Variants in MYRFL observed in about 807,000 individuals in gnomAD.
The protein encoded by MYRFL is myelin regulatory factor-like protein.
A neutral mutation model predicts 109.4 loss-of-function variants in MYRFL; 88 were observed. The observed-to-expected ratio is 0.80, with a 90% confidence interval of 0.68 to 0.96. MYRFL has a LOEUF of 0.96. Among genes scored for constraint, MYRFL ranks in the 40% least tolerant of loss-of-function variants. MYRFL has a pLI of 0.00. For missense variants in MYRFL, 957 were observed against 954.9 expected, an observed-to-expected ratio of 1.00 and a Z score of -0.03; for synonymous variants, 324 against 320.9, an observed-to-expected ratio of 1.01 and a Z score of -0.10.
intron 10 of MYRFL, 60 bp from the exon 11 acceptor site, chr12:69,903,584 T>C (rs2136345509): frequency 6.7e-7 from 1 of 1,484,862 alleles, no homozygotes; most frequent in East Asian, 2.5e-5. Context: ...TGAACACTAA[T>C]GTGATCATCT....
intron 2 of MYRFL, among the ~76,000 whole-genome samples, chr12:69,869,128 G>A (rs986327217): frequency 3.9e-5 from 6 of 152,230 alleles, no homozygotes; most frequent in African/African-American, 1.4e-4. Context: ...TTTTATAGTT[G>A]GAGGATGGGG....
intron 2 of MYRFL, among the ~76,000 whole-genome samples, chr12:69,878,381 T>A (rs1205629352): frequency 1.3e-5 from 2 of 152,190 alleles, no homozygotes; most frequent in Non-Finnish European, 2.9e-5. Flanking sequence ...TGCGCCCAGA[T>A]GGAAAATCAT....
chr12:69,863,282 G>A (rs1044599210), intron 2 of MYRFL, among the ~76,000 whole-genome samples: 28 of 152,258 alleles, frequency 1.8e-4, no homozygotes, highest in South Asian at 6.2e-4. Flanking sequence ...GTTAGGGAGG[G>A]TTCCCTCTTT....
At chr12:69,862,667 T>C (rs1227185677) in intron 2 of MYRFL, among the ~76,000 whole-genome samples, 24 of 152,044 alleles carry the variant, frequency 1.6e-4, no homozygotes, top group African/African-American at 5.1e-4. Flanking sequence ...AATGGGGTTT[T>C]CTAGATATAC....
chr12:69,909,744 C>T (rs1199763607), intron 11 of MYRFL, among the ~76,000 whole-genome samples: 1 of 152,100 alleles, frequency 6.6e-6, no homozygotes, highest in Non-Finnish European at 1.5e-5. Context: ...GTAGAGGATG[C>T]CCTGCTGGCC....
At chr12:69,898,045 G>C (rs1180256374) in intron 10 of MYRFL, among the ~76,000 whole-genome samples, 1 of 152,192 alleles carries the variant, frequency 6.6e-6, no homozygotes, top group Non-Finnish European at 1.5e-5. Flanking sequence ...CCCTGGGAGG[G>C]GCTGTGTTGT....
intron 16 of MYRFL, among the ~76,000 whole-genome samples, chr12:69,935,599 C>T (rs999976392): frequency 7.2e-5 from 11 of 152,182 alleles, no homozygotes; most frequent in Non-Finnish European, 1.6e-4. Flanking sequence ...ACCTGTTCAG[C>T]GTATTGTGCT....
chr12:69,958,431 T>G lies in MYRFL; in HGVS notation c.2647-14T>G. The G allele has an allele frequency of 6.6e-7, 1 of 1,510,082 alleles. No homozygotes were observed. The highest frequency in any genetic ancestry group is 8.8e-7 in the Non-Finnish European group (1 of 1,133,064). 93.5% of individuals were successfully genotyped at this position (1,510,082 alleles called of 1,614,324 possible). ...ACATTAATCTTCCTTTTTTTTTTTC[T>G]CCTTTTCTGACAGGATTTAGCTGAC... On this transcript the variant is annotated splice_polypyrimidine_tract_variant and intron_variant, in intron 24 of 24. Coordinates refer to ENST00000552032, the MANE Select transcript of MYRFL (RefSeq NM_182530.3).
chr12:69,920,147 C>A (rs1954863244), intron 13 of MYRFL, among the ~76,000 whole-genome samples: 1 of 152,122 alleles, frequency 6.6e-6, no homozygotes, highest in Non-Finnish European at 1.5e-5. Flanking sequence ...CATCTGTTTC[C>A]TGAGCCAATC....
At chr12:69,858,999 G>T (rs1307360545) in intron 2 of MYRFL, among the ~76,000 whole-genome samples, 1 of 151,792 alleles carries the variant, frequency 6.6e-6, no homozygotes, top group Admixed American at 6.6e-5. Flanking sequence ...CCCTCTGTAT[G>T]TGGCTTTAGC....
chr12:69,865,887 A>C (rs1884990087), intron 2 of MYRFL, among the ~76,000 whole-genome samples: 1 of 152,164 alleles, frequency 6.6e-6, no homozygotes, highest in Admixed American at 6.5e-5. Context: ...CTGAGCATTT[A>C]CTAAGTGTTG....
intron 5 of MYRFL, among the ~76,000 whole-genome samples, chr12:69,886,242 GC>G (rs1173091840): frequency 6.6e-6 from 1 of 152,282 alleles, no homozygotes; most frequent in East Asian, 1.9e-4. Context: ...GAGGACTGGT[GC>G]CCTTCATTTT....
chr12:69,828,531 A>G (rs1488361281), intron 1 of MYRFL, among the ~76,000 whole-genome samples: 1 of 152,078 alleles, frequency 6.6e-6, no homozygotes, highest in Admixed American at 6.6e-5. Flanking sequence ...TATATGCTTT[A>G]ACGTTTGCAA....
chr12:69,854,067 G>A (rs545780032), intron 1 of MYRFL, among the ~76,000 whole-genome samples: 1 of 152,348 alleles, frequency 6.6e-6, no homozygotes, highest in Non-Finnish European at 1.5e-5. Context: ...ATTGAGCACT[G>A]AGTTAGTGAG....
At chr12:69,897,692 G>A (rs1245960666) in intron 10 of MYRFL, among the ~76,000 whole-genome samples, 1 of 152,176 alleles carries the variant, frequency 6.6e-6, no homozygotes, top group Non-Finnish European at 1.5e-5. Flanking sequence ...AGCAACTGAG[G>A]CTTAAGAGAC....
At position 69,879,459 on chromosome 12, in the gene MYRFL, G is replaced by A. The variant is rs1592745567; in HGVS notation, c.464+6G>A. 1 of 698,328 alleles carries A rather than the reference G, an allele frequency of 1.4e-6. No individual in the cohort carries two copies. 43.3% of individuals were successfully genotyped at this position (698,328 alleles called of 1,614,324 possible). ...CCTCTGTGTCACAGCCCTGGGTAAA[G>A]AAAAAGATATTTAGTTATCAAAGAC... On this transcript the variant is annotated splice_donor_region_variant and intron_variant, in intron 4 of 24. Transcript: ENST00000552032.
chr12:69,954,958 G>GA (rs1022899991), intron 21 of MYRFL, among the ~76,000 whole-genome samples: 2 of 152,098 alleles, frequency 1.3e-5, no homozygotes, highest in African/African-American at 2.4e-5. Flanking sequence ...ATTTAGGGTA[G>GA]AAAAAATGTA....
At chr12:69,879,621 T>C (rs749592805) in intron 4 of MYRFL, among the ~76,000 whole-genome samples, 168 bp downstream of exon 4, 3 of 152,120 alleles carry the variant, frequency 2.0e-5, no homozygotes, top group Non-Finnish European at 4.4e-5. Context: ...GCTTAGACAA[T>C]CTTTTAATTA....
intron 1 of MYRFL, among the ~76,000 whole-genome samples, chr12:69,841,682 C>T (rs1017480990): frequency 5.3e-5 from 8 of 152,290 alleles, no homozygotes; most frequent in South Asian, 2.1e-4. Flanking sequence ...TGTTGACCCC[C>T]GCTCTTAGAA....
Sources: gnomAD v4.1 joint callset for allele counts (sites outside exome capture counted in the v4.1 genomes callset) on GRCh38, gnomAD v4.1.1 for gene constraint, MANE v1.5 for transcripts, NCBI Gene and HGNC (gene_info 2026-07-23, HGNC 2026-07-21) for gene names.